The following FBXL2 variants were observed in gnomAD, a reference collection of about 807,000 sequenced individuals.
FBXL2 encodes F-box/LRR-repeat protein 2.
FBXL2 carries 38 observed loss-of-function variants against 69.2 expected under a neutral mutation model. The observed-to-expected ratio is 0.55, with a 90% CI of 0.42 to 0.72. The LOEUF (loss-of-function observed/expected upper bound fraction) is 0.72, where lower values mean the gene tolerates loss of function less well. FBXL2 is among the 30% of genes least tolerant of loss of function. FBXL2 has a pLI of 0.00. For synonymous variants in FBXL2, 192 were observed against 201.3 expected (o/e 0.95, Z 0.39); for missense variants, 354 against 520.3 (o/e 0.68, Z 3.11).
Position 33,384,146 on chromosome 3 carries a change from G to A in FBXL2, c.1109G>A (p.Arg370His), listed in dbSNP as rs760506946. The A allele has an allele frequency of 6.8e-6, 11 of 1,614,124 alleles. No individual in the cohort carries two copies. Among genetic ancestry groups the A allele is most frequent in the Non-Finnish European group, 8.5e-6 (10 of 1,180,028 alleles). Residue 370 changes from arginine to histidine, a missense_variant, in exon 14 of 15, where the codon CGC becomes CAC. By Grantham distance (29) the Arg-to-His change is conservative (BLOSUM62 0). Coordinates refer to ENST00000484457, the MANE Select transcript of FBXL2 (RefSeq NM_012157.5). ...EHLENCRGLE[R>H]LELYDCQQVT... ...CTAGAGAACTGCCGAGGCCTGGAGC[G>A]CCTCGAGCTGTACGACTGCCAGCAG...
chr3:33,343,155 A>G (rs2040192882), intron 2 of FBXL2, among the ~76,000 whole-genome samples: 1 of 151,930 alleles, frequency 6.6e-6, no homozygotes, highest in Non-Finnish European at 1.5e-5. Flanking sequence ...GCAATTATAT[A>G]TATATGATAG....
intron 1 of FBXL2, among the ~76,000 whole-genome samples, chr3:33,280,827 T>C (rs191931068): frequency 6.6e-6 from 1 of 152,076 alleles, no homozygotes; most frequent in Non-Finnish European, 1.5e-5. Flanking sequence ...GTTTTTGTTA[T>C]TGTTTAACAC....
chr3:33,398,714 G>A (rs1380820214), intron 12 of FBXL2, among the ~76,000 whole-genome samples: 1 of 152,196 alleles, frequency 6.6e-6, no homozygotes, highest in African/African-American at 2.4e-5. Flanking sequence ...CACAGCGAAA[G>A]GGATTAAAAC....
intron 2 of FBXL2, among the ~76,000 whole-genome samples, chr3:33,315,705 T>G (rs1027007770): frequency 6.6e-6 from 1 of 152,192 alleles, no homozygotes; most frequent in African/African-American, 2.4e-5. Context: ...TGATTTACAC[T>G]GTTCTTTCAT....
intron 1 of FBXL2, chr3:33,289,633 T>G (rs2035024259): frequency 3.2e-6 from 1 of 316,942 alleles, no homozygotes; most frequent in Admixed American, 6.5e-5. Flanking sequence ...AGTTACTGAC[T>G]GCACATAGGC....
At chr3:33,370,231 A>G (rs968834635) in intron 5 of FBXL2, among the ~76,000 whole-genome samples, 7 of 151,794 alleles carry the variant, frequency 4.6e-5, no homozygotes, top group African/African-American at 1.7e-4. Flanking sequence ...TGGCTAACAC[A>G]GTGAAATCCC....
chr3:33,301,253 T>C (rs2036270616), intron 2 of FBXL2, among the ~76,000 whole-genome samples: 1 of 152,224 alleles, frequency 6.6e-6, no homozygotes, highest in Admixed American at 6.5e-5. Context: ...TCTTGTTGAA[T>C]TCCTATTCAC....
chr3:33,360,971 A>T (rs1387110481), intron 4 of FBXL2, among the ~76,000 whole-genome samples: 5 of 114,080 alleles, frequency 4.4e-5, no homozygotes, highest in African/African-American at 1.7e-4. Context: ...TCGCTCTGTC[A>T]CCCAGGCTGG....
At chr3:33,300,168 C>T (rs1416434649) in intron 2 of FBXL2, among the ~76,000 whole-genome samples, 1 of 152,160 alleles carries the variant, frequency 6.6e-6, no homozygotes, top group African/African-American at 2.4e-5. Context: ...CATACTTCTG[C>T]TGTGACTCAA....
intron 5 of FBXL2, among the ~76,000 whole-genome samples, chr3:33,366,331 A>G (rs1202026237): frequency 6.6e-6 from 1 of 152,090 alleles, no homozygotes; most frequent in Non-Finnish European, 1.5e-5. Context: ...TATCAAGGTA[A>G]TACTGGCTTC....
downstream of FBXL2, among the ~76,000 whole-genome samples, chr3:33,405,378 A>G (rs1281052915): frequency 6.6e-6 from 1 of 152,180 alleles, no homozygotes; most frequent in Non-Finnish European, 1.5e-5. Flanking sequence ...GCACTTCAAG[A>G]GTAATGTCAC....
chr3:33,346,962 T>C (rs909909627), intron 2 of FBXL2, among the ~76,000 whole-genome samples: 1 of 152,220 alleles, frequency 6.6e-6, no homozygotes, highest in South Asian at 2.1e-4. Flanking sequence ...ATTTATCCTT[T>C]GTGTTACAAA....
chr3:33,320,963 A>G (rs2038154145), intron 2 of FBXL2, among the ~76,000 whole-genome samples: 1 of 152,156 alleles, frequency 6.6e-6, no homozygotes, highest in African/African-American at 2.4e-5. Flanking sequence ...TCCAGAATTT[A>G]TGGAATTTAT....
chr3:33,279,173 T>C (rs2033672571), intron 1 of FBXL2, among the ~76,000 whole-genome samples: 1 of 152,228 alleles, frequency 6.6e-6, no homozygotes, highest in Admixed American at 6.5e-5. Flanking sequence ...GCTTAATTGA[T>C]TGATAAGGTG....
chr3:33,314,878 A>T (rs2037535330), intron 2 of FBXL2, among the ~76,000 whole-genome samples: 1 of 152,146 alleles, frequency 6.6e-6, no homozygotes, highest in African/African-American at 2.4e-5. Context: ...GAAGTGACAT[A>T]CTCAATTCAT....
intron 1 of FBXL2, chr3:33,289,704 C>T: frequency 1.0e-6 from 1 of 980,978 alleles, no homozygotes; most frequent in Non-Finnish European, 1.2e-6. Flanking sequence ...CACCTACCTG[C>T]CAACTTTTCC....
At chr3:33,415,672 G>C in the FBXL2 span, among the ~76,000 whole-genome samples, 2 of 151,794 alleles carry the variant, frequency 1.3e-5, no homozygotes, top group Non-Finnish European at 2.9e-5. Context: ...CCTCAGTATA[G>C]GGCCCATCAA....
chr3:33,305,991 C>T (rs1408630342), intron 2 of FBXL2, among the ~76,000 whole-genome samples: 2 of 151,924 alleles, frequency 1.3e-5, no homozygotes, highest in East Asian at 3.8e-4. Context: ...CTTTTGGCTT[C>T]ATTCTTTTCT....
chr3:33,379,300 C>T (rs563431411), intron 13 of FBXL2, among the ~76,000 whole-genome samples: 2 of 151,866 alleles, frequency 1.3e-5, no homozygotes, highest in Admixed American at 1.3e-4. Context: ...CCGCACCTGA[C>T]CTGAATTAGC....
Sources: gnomAD v4.1 joint callset for allele counts (sites outside exome capture counted in the v4.1 genomes callset) on GRCh38, gnomAD v4.1.1 for gene constraint, MANE v1.5 for transcripts, NCBI Gene and HGNC (gene_info 2026-07-23, HGNC 2026-07-21) for gene names.